The following NR4A3 variants were observed in gnomAD, a reference collection of about 807,000 sequenced individuals.
NR4A3 encodes nuclear receptor subfamily 4 group A member 3.
In NR4A3, 13 loss-of-function variants were observed where a neutral mutation model predicts 55.6. That is an observed-to-expected ratio of 0.23 (90% CI 0.15 to 0.37). The LOEUF (loss-of-function observed/expected upper bound fraction) is 0.37, where lower values mean the gene tolerates loss of function less well. Ranked by LOEUF, NR4A3 falls within the 10% of genes least tolerant of loss-of-function variation. The pLI, the probability that NR4A3 is intolerant of heterozygous loss-of-function variation, is 1.00. For missense variants in NR4A3, 646 were observed against 822.8 expected, an observed-to-expected ratio of 0.79 and a Z score of 2.63; for synonymous variants, 342 against 357.9, an observed-to-expected ratio of 0.96 and a Z score of 0.50.
At chr9:99,829,066 G>A (rs2118523016) in intron 3 of NR4A3, 73 bp downstream of exon 3, 1 of 1,265,958 alleles carries the variant, frequency 7.9e-7, no homozygotes, top group African/African-American at 1.5e-5. Context: ...GAGTGTAGGA[G>A]CATCCTTGTT....
chr9:99,859,502 G>A (rs1827976276), intron 7 of NR4A3, among the ~76,000 whole-genome samples: 1 of 152,196 alleles, frequency 6.6e-6, no homozygotes, highest in Non-Finnish European at 1.5e-5. Flanking sequence ...TCCAGTGGCT[G>A]TTCAAAACAA....
chr9:99,849,783 C>T (rs558761149), intron 7 of NR4A3, among the ~76,000 whole-genome samples: 3 of 152,336 alleles, frequency 2.0e-5, no homozygotes. Flanking sequence ...AGGCACCATG[C>T]TGCATGTCAT....
chr9:99,851,313 G>A (rs1424354711), intron 7 of NR4A3, among the ~76,000 whole-genome samples: 1 of 152,174 alleles, frequency 6.6e-6, no homozygotes, highest in East Asian at 1.9e-4. Flanking sequence ...ATTTGAATAT[G>A]AGCTGCCATG....
At chr9:99,826,420 C>A (rs1213241420) in intron 2 of NR4A3, among the ~76,000 whole-genome samples, 1 of 152,182 alleles carries the variant, frequency 6.6e-6, no homozygotes, top group Non-Finnish European at 1.5e-5. Flanking sequence ...AAATAGAATA[C>A]AATCCCAGCA....
chr9:99,863,573 G>C (rs370292542), intron 7 of NR4A3, 47 bp from the exon 8 acceptor site: 4 of 1,582,746 alleles, frequency 2.5e-6, no homozygotes, highest in African/African-American at 2.7e-5. Context: ...AGTGTCTTAA[G>C]ATGTATTTGC....
At position 99,828,236 on chromosome 9, in the gene NR4A3, A is replaced by G. The variant is rs1318011648; in HGVS notation, c.194A>G (p.Tyr65Cys). 2 of 1,613,802 alleles carry G rather than the reference A, an allele frequency of 1.2e-6. No homozygotes were observed. The highest frequency in any genetic ancestry group is 2.2e-5 in the East Asian group (1 of 44,870). ...LPSISTFVEG[Y>C]SSNYELKPSC... ...AGCATCAGTACCTTCGTGGAGGGCT[A>G]CTCGAGCAACTACGAACTCAAGCCT... The change falls in exon 3 of 8, where the codon TAC becomes TGC. Residue 65 changes from tyrosine (Y) to cysteine (C), a missense_variant. Tyr to Cys is a radical substitution (Grantham distance 194). This residue lies in a region of NR4A3 where 426 missense variants were observed against 429.4 expected (regional missense o/e 0.99). Transcript: ENST00000395097. The surrounding 1 kb of genome is among the most constrained non-coding windows in gnomAD (Gnocchi z 7.7).
Position 99,832,822 on chromosome 9 carries a change from T to C in NR4A3, c.1081+4T>C, listed in dbSNP as rs1009236784. On this transcript the variant is annotated splice_donor_region_variant and intron_variant, in intron 4 of 7. Coordinates refer to ENST00000395097, the MANE Select transcript of NR4A3 (RefSeq NM_006981.4). ...AGTGTTGGAATGGTAAAAGAAGGTA[T>C]GGATATAATGCTTTTTACCCAGTTT... 6.4e-7 allele frequency: 1 copy of C among 1,564,224 alleles called. No individual in the cohort carries two copies. Among genetic ancestry groups the C allele is most frequent in the Non-Finnish European group, 8.7e-7 (1 of 1,147,556 alleles).
At chr9:99,851,189 C>G (rs1252851511) in intron 7 of NR4A3, among the ~76,000 whole-genome samples, 1 of 152,180 alleles carries the variant, frequency 6.6e-6, no homozygotes, top group Non-Finnish European at 1.5e-5. Context: ...ACAACAAACA[C>G]TCTCTTTGTG....
Position 99,866,026 on chromosome 9 carries a change from C to CTT in NR4A3, c.*2167_*2168dup. On this transcript the variant is annotated 3_prime_UTR_variant, in exon 8 of 8. Transcript: ENST00000395097. ...AAGACCTAATTTACCTTTCCATACT[C>CTT]TTTTTTTTTCTCAACTTCATCTATA... is the stretch of plus-strand genomic sequence containing the variant. 4.7e-6 allele frequency: 1 copy of CTT among 214,152 alleles called. No individual in the cohort carries two copies. The highest frequency in any genetic ancestry group is 9.4e-6 in the Non-Finnish European group (1 of 106,148). The allele number at this position is 214,152 out of a possible 1,614,324, so 13.3% of individuals were successfully genotyped here.
At chr9:99,823,223 C>T (rs1564028096) in intron 1 of NR4A3, among the ~76,000 whole-genome samples, 1 of 151,716 alleles carries the variant, frequency 6.6e-6, no homozygotes, top group Non-Finnish European at 1.5e-5. Context: ...GAAGTTGCTC[C>T]GAGTGTTTTA....
intron 7 of NR4A3, among the ~76,000 whole-genome samples, chr9:99,853,417 C>T (rs575425465): frequency 5.2e-4 from 60 of 114,718 alleles, no homozygotes; most frequent in East Asian, 2.3e-3. Flanking sequence ...CATGCTGGTG[C>T]GCTGCACCCA....
intron 5 of NR4A3, among the ~76,000 whole-genome samples, chr9:99,838,445 G>A (rs1291850232): frequency 1.3e-5 from 2 of 152,198 alleles, no homozygotes; most frequent in South Asian, 4.1e-4. Flanking sequence ...GCTGCAAAAA[G>A]AGTGGTTTCA....
Position 99,866,110 on chromosome 9 carries a change from G to A in NR4A3, c.*2243G>A, listed in dbSNP as rs1828093734. On this transcript the variant is annotated 3_prime_UTR_variant, in exon 8 of 8. Transcript: ENST00000395097. ...TTACCTGAAGATAACCATGAGTAAA[G>A]TATACTTTTGCATTAATTTTTTGAG... is the stretch of plus-strand genomic sequence containing the variant. The A allele has an allele frequency of 4.7e-6, 1 of 211,256 alleles. No individual in the cohort carries two copies. Among genetic ancestry groups the A allele is most frequent in the Non-Finnish European group, 9.6e-6 (1 of 104,274 alleles). The allele number at this position is 211,256 out of a possible 1,614,324, so 13.1% of individuals were successfully genotyped here.
intron 5 of NR4A3, among the ~76,000 whole-genome samples, chr9:99,838,481 A>G (rs1397495629): frequency 6.6e-6 from 1 of 152,240 alleles, no homozygotes; most frequent in Admixed American, 6.5e-5. Flanking sequence ...GACCCTCTCA[A>G]ATTGTTACCA....
intron 7 of NR4A3, among the ~76,000 whole-genome samples, chr9:99,859,202 C>G (rs1266207258): frequency 1.3e-5 from 2 of 152,172 alleles, no homozygotes; most frequent in Admixed American, 1.3e-4. Context: ...CTAAAATCTG[C>G]TGTGTATAAT....
intron 5 of NR4A3, among the ~76,000 whole-genome samples, chr9:99,840,600 C>A (rs2118566238): frequency 6.6e-6 from 1 of 152,272 alleles, no homozygotes; most frequent in Non-Finnish European, 1.5e-5. Context: ...ATGCAAGAGC[C>A]AGAAGTAATC....
chr9:99,865,485 C>G lies in NR4A3; in HGVS notation c.*1618C>G, dbSNP rs1383363236. On this transcript the variant is annotated 3_prime_UTR_variant, in exon 8 of 8. Coordinates refer to ENST00000395097, the MANE Select transcript of NR4A3 (RefSeq NM_006981.4). The surrounding 1 kb of genome is among the most constrained non-coding windows in gnomAD (Gnocchi z 4.3). Reference sequence around the variant, plus strand: ...AATTTTGCTTATGTTTTGCTAAATTCGAATAATGTTTGAAGATTTTTAGGT... The same window carrying G: ...AATTTTGCTTATGTTTTGCTAAATTGGAATAATGTTTGAAGATTTTTAGGT... 5.5e-6 allele frequency: 1 copy of G among 183,216 alleles called. No homozygotes were observed. The highest frequency in any genetic ancestry group is 8.9e-5 in the East Asian group (1 of 11,294). The allele number at this position is 183,216 out of a possible 1,614,324, so 11.3% of individuals were successfully genotyped here. A position where few individuals can be genotyped will look rare whatever the true frequency, so the allele number is the denominator to read the frequency against.
chr9:99,846,553 T>G (rs1827756811), intron 6 of NR4A3, among the ~76,000 whole-genome samples: 1 of 152,196 alleles, frequency 6.6e-6, no homozygotes, highest in Admixed American at 6.5e-5. Context: ...GCCCCAATGT[T>G]AAAAGCAGAG....
At chr9:99,823,144 C>G (rs563332041) in intron 1 of NR4A3, among the ~76,000 whole-genome samples, 5 of 152,208 alleles carry the variant, frequency 3.3e-5, no homozygotes, top group Non-Finnish European at 7.3e-5. Context: ...GACGGTGTCC[C>G]TCTCCTCTGG....
Sources: gnomAD v4.1 joint callset for allele counts (sites outside exome capture counted in the v4.1 genomes callset) on GRCh38, gnomAD v4.1.1 for gene constraint, gnomAD v4.1.1 regional missense constraint, Gnocchi (gnomAD v3.1) non-coding constraint, MANE v1.5 for transcripts, NCBI Gene and HGNC (gene_info 2026-07-23, HGNC 2026-07-21) for gene names.